PXDNL: variants seen among roughly 807,000 people sequenced by gnomAD.
PXDNL encodes probable oxidoreductase PXDNL.
A neutral mutation model predicts 150.8 loss-of-function variants in PXDNL; 145 were observed. The observed-to-expected ratio is 0.96, with a 90% CI of 0.84 to 1.10. The LOEUF (loss-of-function observed/expected upper bound fraction) is 1.10. PXDNL is among the 50% of genes least tolerant of loss of function. The pLI is 0.00. For synonymous variants in PXDNL, 757 were observed against 725.7 expected (o/e 1.04, Z -0.69); for missense variants, 2,087 against 1,873.9 (o/e 1.11, Z -2.10).
intron 1 of PXDNL, among the ~76,000 whole-genome samples, chr8:51,688,922 C>A (rs1815931722): frequency 6.6e-6 from 1 of 152,218 alleles, no homozygotes; most frequent in East Asian, 1.9e-4. Flanking sequence ...CGTAACCCAC[C>A]AAGTTTCAGG....
intron 10 of PXDNL, among the ~76,000 whole-genome samples, chr8:51,452,433 CAT>C (rs969248722): frequency 1.3e-5 from 2 of 152,058 alleles, no homozygotes; most frequent in African/African-American, 4.8e-5. Context: ...TTTCCTGAGA[CAT>C]GTAAATAGGA....
chr8:51,617,564 T>C (rs1445376938), intron 2 of PXDNL, among the ~76,000 whole-genome samples: 2 of 152,164 alleles, frequency 1.3e-5, no homozygotes, highest in Admixed American at 1.3e-4. Flanking sequence ...AAATATGACT[T>C]CGAACAGATA....
At chr8:51,400,594 TTGAC>T (rs1808219146) in intron 17 of PXDNL, among the ~76,000 whole-genome samples, 1 of 152,216 alleles carries the variant, frequency 6.6e-6, no homozygotes, top group Admixed American at 6.5e-5. Context: ...TGGAGGATAA[TTGAC>T]TGACCACCTT....
intron 4 of PXDNL, among the ~76,000 whole-genome samples, chr8:51,531,804 G>A (rs1019239025): frequency 6.6e-6 from 1 of 152,166 alleles, no homozygotes; most frequent in South Asian, 2.1e-4. Context: ...AAAGGATGTG[G>A]ATTGTCATCA....
chr8:51,467,768 C>A (rs774517366), intron 8 of PXDNL, among the ~76,000 whole-genome samples: 5 of 152,016 alleles, frequency 3.3e-5, no homozygotes, highest in Non-Finnish European at 5.9e-5. Context: ...CAATCTTTTT[C>A]TATTTCTCCC....
chr8:51,388,760 A>T (rs1771698672), intron 17 of PXDNL, among the ~76,000 whole-genome samples: 1 of 151,800 alleles, frequency 6.6e-6, no homozygotes, highest in African/African-American at 2.4e-5. Context: ...TATTATTCTC[A>T]TCTGTCTGTA....
At position 51,802,538 on chromosome 8, in the gene PXDNL, A is replaced by G. The variant is rs530418014; in HGVS notation, c.164+6643T>C. Among the ~76,000 whole-genome samples the G allele has an allele frequency of 5.3e-5, 8 of 152,308 alleles. No homozygotes were observed. The South Asian group carries it at 6.2e-4, about 12-fold the overall frequency. Reference sequence around the variant, plus strand: ...TGTATTTTATGTGTGGCCCAAGACAATTCTTCTTCCAGTGTGGCCCAGGAA... The same window carrying G: ...TGTATTTTATGTGTGGCCCAAGACAGTTCTTCTTCCAGTGTGGCCCAGGAA... On this transcript the variant is annotated intron_variant, in intron 1 of 22. Coordinates refer to ENST00000356297, the MANE Select transcript of PXDNL (RefSeq NM_144651.5).
At chr8:51,371,567 C>A (rs1036160557) in intron 19 of PXDNL, among the ~76,000 whole-genome samples, 3 of 152,232 alleles carry the variant, frequency 2.0e-5, no homozygotes, top group Admixed American at 6.5e-5. Flanking sequence ...ATAGTCAGTA[C>A]CAAGTGATTG....
intron 4 of PXDNL, among the ~76,000 whole-genome samples, chr8:51,502,112 T>A (rs1192570789): frequency 6.6e-6 from 1 of 152,224 alleles, no homozygotes; most frequent in Non-Finnish European, 1.5e-5. Flanking sequence ...TCCTAAGTGC[T>A]TTACATGTAT....
chr8:51,698,585 G>A (rs957121054), intron 1 of PXDNL, among the ~76,000 whole-genome samples: 5 of 152,110 alleles, frequency 3.3e-5, no homozygotes, highest in African/African-American at 1.2e-4. Flanking sequence ...ATGAAAGTTG[G>A]AATCGACTTC....
rs1301016819 is a variant in PXDNL at position 51,735,585 on chromosome 8, C to T, written c.164+73596G>A. ...TTTTTGAGACGGAGTCTCGCTCTGTCGCCCAGGCTGGAGTGCAGTGGCGGG... is the reference window on the plus strand; with the variant it reads ...TTTTTGAGACGGAGTCTCGCTCTGTTGCCCAGGCTGGAGTGCAGTGGCGGG... On this transcript the variant is annotated intron_variant, in intron 1 of 22. Transcript: ENST00000356297. Among the ~76,000 whole-genome samples the T allele has an allele frequency of 3.0e-3, 343 of 114,970 alleles. 3 individuals carry two copies. The highest frequency in any genetic ancestry group is 0.011 in the African/African-American group (318 of 28,220). 75.4% of individuals were successfully genotyped at this position (114,970 alleles called of 152,430 possible). A position where few individuals can be genotyped will look rare whatever the true frequency, so the allele number is the denominator to read the frequency against.
At chr8:51,488,874 T>G (rs1347006114) in intron 5 of PXDNL, among the ~76,000 whole-genome samples, 4 of 152,016 alleles carry the variant, frequency 2.6e-5, no homozygotes, top group African/African-American at 9.7e-5. Context: ...TTCCAAGAAC[T>G]AGAGAAAAAG....
chr8:51,571,083 A>T (rs1172949819), intron 3 of PXDNL, among the ~76,000 whole-genome samples: 1 of 150,704 alleles, frequency 6.6e-6, no homozygotes, highest in African/African-American at 2.5e-5. Context: ...CCCTTATATC[A>T]GTTCTTTTTT....
Position 51,438,783 on chromosome 8 carries a change from C to T in PXDNL, c.1525+8221G>A, listed in dbSNP as rs1809470547. ...GAAATTAAGCCAAATACTTATGGCC[C>T]ACTGATCTTCAACAAGGCAAACAAA... On this transcript the variant is annotated intron_variant, in intron 12 of 22. Coordinates refer to ENST00000356297, the MANE Select transcript of PXDNL (RefSeq NM_144651.5). Among the ~76,000 whole-genome samples the T allele has an allele frequency of 2.6e-5, 4 of 152,000 alleles. No homozygotes were observed. The South Asian group carries it at 8.3e-4, about 32-fold the overall frequency.
At chr8:51,770,295 C>CCA (rs747717225) in intron 1 of PXDNL, among the ~76,000 whole-genome samples, 1 of 152,168 alleles carries the variant, frequency 6.6e-6, no homozygotes, top group Non-Finnish European at 1.5e-5. Context: ...TTGTACAGAA[C>CCA]CACACACACC....
intron 13 of PXDNL, 114 bp downstream of exon 13, chr8:51,426,532 C>A: frequency 1.7e-6 from 1 of 590,210 alleles, no homozygotes. Context: ...GTATTATTTG[C>A]TAGCAAAAGT....
chr8:51,709,647 A>G (rs1210963351), intron 1 of PXDNL, among the ~76,000 whole-genome samples: 1 of 152,192 alleles, frequency 6.6e-6, no homozygotes, highest in Non-Finnish European at 1.5e-5. Context: ...TAATCAGTAA[A>G]TTACTAAATT....
At chr8:51,650,589 G>A (rs1039526764) in intron 2 of PXDNL, among the ~76,000 whole-genome samples, 6 of 152,152 alleles carry the variant, frequency 3.9e-5, no homozygotes, top group African/African-American at 1.4e-4. Flanking sequence ...GTTGCTTGTG[G>A]AAATTGCCCT....
At chr8:51,610,941 G>GA (rs144656149) in intron 2 of PXDNL, among the ~76,000 whole-genome samples, 4,425 of 152,126 alleles carry the variant, frequency 0.029, 201 homozygotes, top group African/African-American at 0.1. Context: ...CACTAAATAT[G>GA]AAAAAAATCT....
Sources: allele counts gnomAD v4.1 joint callset (sites outside exome capture counted in the v4.1 genomes callset), GRCh38; gene constraint gnomAD v4.1.1; transcripts MANE v1.5; gene names NCBI Gene and HGNC (gene_info 2026-07-23, HGNC 2026-07-21).